SEMA5B: variants seen among roughly 807,000 people sequenced by gnomAD.
SEMA5B encodes the protein semaphorin-5B.
Under a neutral mutation model 135.0 loss-of-function variants are expected in SEMA5B, and 66 were observed. The observed-to-expected ratio is 0.49, with a 90% CI of 0.40 to 0.60. The LOEUF is 0.60. SEMA5B is among the 20% of genes least tolerant of loss of function. The pLI is 0.00. For missense variants in SEMA5B, 1,501 were observed against 1,566.3 expected, an observed-to-expected ratio of 0.96 and a Z score of 0.70; for synonymous variants, 690 against 639.5, an observed-to-expected ratio of 1.08 and a Z score of -1.19.
intron 4 of SEMA5B, among the ~76,000 whole-genome samples, chr3:122,940,208 A>T (rs1939492399): frequency 6.6e-6 from 1 of 152,206 alleles, no homozygotes; most frequent in Non-Finnish European, 1.5e-5. Context: ...AGTAATAATG[A>T]TATCAGACAC....
At chr3:122,983,755 T>TAGATTGG (rs1200917506) in intron 1 of SEMA5B, among the ~76,000 whole-genome samples, 2 of 108,882 alleles carry the variant, frequency 1.8e-5, no homozygotes, top group African/African-American at 6.9e-5. Flanking sequence ...AAAAAAAAGG[T>TAGATTGG]AGATTGGAGG....
At position 122,926,624 on chromosome 3, in the gene SEMA5B, G is replaced by A. The variant is rs1221605391; in HGVS notation, c.904C>T (p.Arg302Trp). 5.0e-6 allele frequency: 8 copies of A among 1,614,078 alleles called. No individual in the cohort carries two copies. Among genetic ancestry groups the A allele is most frequent in the Non-Finnish European group, 6.8e-6 (8 of 1,180,038 alleles). ...CAGTCGTGCTCCACTGCGTTCTCCC[G>A]CAGGAAGAAGTATGCAAACAGCCCA... The part of the protein sequence containing the change: ...DIGLFAYFFL[R>W]ENAVEHDCGR... Residue 302 changes from arginine (R) to tryptophan (W), a missense_variant, in exon 9 of 23, where the codon CGG (arginine) becomes TGG (tryptophan). Coordinates refer to ENST00000357599, the MANE Select transcript of SEMA5B (RefSeq NM_001031702.4).
chr3:123,008,688 A>T (rs73859420), intron 1 of SEMA5B, among the ~76,000 whole-genome samples: 8,904 of 152,272 alleles, frequency 0.058, 741 homozygotes, highest in African/African-American at 0.19. Context: ...ATCTTGGCAG[A>T]CAAGAAAAAG....
At chr3:122,949,262 T>G (rs1319385401) in intron 2 of SEMA5B, among the ~76,000 whole-genome samples, 1 of 151,836 alleles carries the variant, frequency 6.6e-6, no homozygotes, top group Non-Finnish European at 1.5e-5. Flanking sequence ...CACCTGCACT[T>G]CCCCCTCCTC....
intron 1 of SEMA5B, among the ~76,000 whole-genome samples, chr3:122,965,566 C>T (rs139297528): frequency 2.6e-5 from 4 of 152,322 alleles, no homozygotes; most frequent in African/African-American, 9.6e-5. Context: ...AACAGAATAC[C>T]TTGATGCTGT....
intron 9 of SEMA5B, among the ~76,000 whole-genome samples, chr3:122,924,148 C>T (rs77256356): frequency 0.039 from 6,001 of 152,236 alleles, 134 homozygotes; most frequent in Middle Eastern, 0.085. Flanking sequence ...TGTTAACACT[C>T]TGATATTTTA....
intron 1 of SEMA5B, among the ~76,000 whole-genome samples, chr3:122,977,524 A>T (rs1293431691): frequency 6.6e-6 from 1 of 152,176 alleles, no homozygotes; most frequent in Non-Finnish European, 1.5e-5. Flanking sequence ...CAGGATCAGA[A>T]CCCTCTACCC....
intron 1 of SEMA5B, among the ~76,000 whole-genome samples, chr3:122,977,545 C>A (rs1216170131): frequency 6.6e-6 from 1 of 152,204 alleles, no homozygotes; most frequent in African/African-American, 2.4e-5. Flanking sequence ...AGAGAAGAGT[C>A]AGGGCTGGCA....
At chr3:123,025,302 A>G (rs1263294261) in intron 1 of SEMA5B, among the ~76,000 whole-genome samples, 4 of 151,168 alleles carry the variant, frequency 2.6e-5, no homozygotes, top group Non-Finnish European at 4.4e-5. Flanking sequence ...CCTCTCCTAA[A>G]CCCTTGGGTC....
chr3:123,020,709 C>G (rs1042893013), intron 1 of SEMA5B, among the ~76,000 whole-genome samples: 4 of 152,140 alleles, frequency 2.6e-5, no homozygotes, highest in African/African-American at 9.7e-5. Context: ...GCCCAGGCTC[C>G]CCCCGCAGAA....
intron 1 of SEMA5B, among the ~76,000 whole-genome samples, chr3:122,966,295 A>G (rs560753278): frequency 1.3e-5 from 2 of 152,274 alleles, no homozygotes; most frequent in South Asian, 2.1e-4. Context: ...CAGTTGATAA[A>G]TGTTTTCATT....
intron 1 of SEMA5B, among the ~76,000 whole-genome samples, chr3:123,012,043 A>G (rs544612526): frequency 1.3e-5 from 2 of 152,302 alleles, no homozygotes; most frequent in Admixed American, 6.5e-5. Context: ...AGTCACGTGG[A>G]AAGAGCACAC....
intron 3 of SEMA5B, among the ~76,000 whole-genome samples, chr3:122,946,652 G>A (rs1939802647): frequency 6.6e-6 from 1 of 152,154 alleles, no homozygotes; most frequent in Non-Finnish European, 1.5e-5. Context: ...CAGCTGGGCT[G>A]AGGGACCAAA....
chr3:122,954,665 G>C (rs1185271865), intron 2 of SEMA5B, among the ~76,000 whole-genome samples: 6 of 152,182 alleles, frequency 3.9e-5, no homozygotes, highest in African/African-American at 1.4e-4. Flanking sequence ...AGGAGGAATG[G>C]TGCCACAGTA....
chr3:122,984,705 A>G (rs989242688), intron 1 of SEMA5B, among the ~76,000 whole-genome samples: 2 of 152,216 alleles, frequency 1.3e-5, no homozygotes, highest in Non-Finnish European at 2.9e-5. Context: ...AAGCATGCAC[A>G]TGTATCCCCT....
At chr3:122,969,589 C>T (rs919792753) in intron 1 of SEMA5B, among the ~76,000 whole-genome samples, 2 of 152,220 alleles carry the variant, frequency 1.3e-5, no homozygotes, top group African/African-American at 2.4e-5. Flanking sequence ...CCCAGCTCCA[C>T]TCCCATTCTG....
At chr3:122,916,093 C>T (rs1938063960) in intron 12 of SEMA5B, among the ~76,000 whole-genome samples, 1 of 152,202 alleles carries the variant, frequency 6.6e-6, no homozygotes, top group East Asian at 1.9e-4. Context: ...AAATCCAGCA[C>T]CCCAATGAAG....
At chr3:123,015,907 C>A (rs147412366) in intron 1 of SEMA5B, among the ~76,000 whole-genome samples, 1 of 152,304 alleles carries the variant, frequency 6.6e-6, no homozygotes, top group East Asian at 1.9e-4. Context: ...AAGTTAGAGG[C>A]CACCATGCGA....
At position 122,919,273 on chromosome 3, in the gene SEMA5B, C is replaced by T. The variant is rs576728089; in HGVS notation, c.1688+2642G>A. 2.6e-5 allele frequency among the ~76,000 whole-genome samples: 4 copies of T among 152,180 alleles called. 1 individual carries two copies. In the South Asian group the frequency reaches 8.3e-4, roughly 32 times the overall value. On this transcript the variant is annotated intron_variant, in intron 12 of 22. Coordinates refer to ENST00000357599, the MANE Select transcript of SEMA5B (RefSeq NM_001031702.4). ...CTGTGAATGAGTTGGGGGTAGGTTA[C>T]CCCTCTCAAAGGCAGGGTGAAAGGC... is the stretch of plus-strand genomic sequence containing the variant.
Sources: allele counts gnomAD v4.1 joint callset (sites outside exome capture counted in the v4.1 genomes callset), GRCh38; gene constraint gnomAD v4.1.1; transcripts MANE v1.5; gene names NCBI Gene and HGNC (gene_info 2026-07-23, HGNC 2026-07-21).